The following DIAPH3 variants were observed in gnomAD, a reference collection of about 807,000 sequenced individuals.
The protein encoded by DIAPH3 is protein diaphanous homolog 3.
Under a neutral mutation model 144.3 loss-of-function variants are expected in DIAPH3, and 117 were observed. The ratio of observed to expected loss-of-function variants is 0.81; its 90% CI spans 0.70 to 0.95. The LOEUF is 0.95. Among genes scored for constraint, DIAPH3 ranks in the 40% least tolerant of loss-of-function variants. The pLI is 0.00. For synonymous variants in DIAPH3, 519 were observed against 488.9 expected, an observed-to-expected ratio of 1.06 and a Z score of -0.81; for missense variants, 1,421 against 1,412.7, an observed-to-expected ratio of 1.01 and a Z score of -0.09.
In DIAPH3 at chr13:59,992,603, G is replaced by A. The variant is rs1300918020; in HGVS notation, c.1015-20C>T. The A allele has an allele frequency of 6.3e-7, 1 of 1,577,226 alleles. No individual in the cohort carries two copies. Among genetic ancestry groups the A allele is most frequent in the East Asian group, 2.3e-5 (1 of 44,376 alleles). Reference sequence around the variant, plus strand: ...AGCTACCTACAAGAGATCAAACAGTGAGACAGACTGGGTTTCCAACATTAA... The same window carrying A: ...AGCTACCTACAAGAGATCAAACAGTAAGACAGACTGGGTTTCCAACATTAA... On this transcript the variant is annotated intron_variant, in intron 9 of 27. Coordinates refer to ENST00000400324, the MANE Select transcript of DIAPH3 (RefSeq NM_001042517.2).
chr13:59,912,891 C>T (rs1217801704), intron 19 of DIAPH3, among the ~76,000 whole-genome samples: 4 of 151,958 alleles, frequency 2.6e-5, no homozygotes, highest in African/African-American at 9.7e-5. Flanking sequence ...CACTGTGTAC[C>T]TTTGGACAAA....
intron 20 of DIAPH3, among the ~76,000 whole-genome samples, chr13:59,897,397 G>A (rs371331440): frequency 1.3e-5 from 2 of 152,174 alleles, no homozygotes; most frequent in East Asian, 1.9e-4. Flanking sequence ...ACATGCTAAA[G>A]AATCGTAGAA....
At chr13:60,005,207 A>G (rs1036140694) in intron 9 of DIAPH3, among the ~76,000 whole-genome samples, 1 of 152,176 alleles carries the variant, frequency 6.6e-6, no homozygotes, top group Non-Finnish European at 1.5e-5. Context: ...AACATGAACG[A>G]ACCTCTAAAA....
intron 4 of DIAPH3, among the ~76,000 whole-genome samples, chr13:60,080,656 T>C (rs1387024608): frequency 3.3e-5 from 5 of 151,932 alleles, no homozygotes; most frequent in Admixed American, 3.3e-4. Flanking sequence ...TTCTTAAAAA[T>C]GGAATGAAAT....
intron 24 of DIAPH3, among the ~76,000 whole-genome samples, chr13:59,813,187 G>A (rs1417375246): frequency 1.3e-5 from 2 of 151,788 alleles, no homozygotes; most frequent in Non-Finnish European, 2.9e-5. Flanking sequence ...TGTGTGAGTA[G>A]CAAAGGATTC....
At chr13:59,989,198 C>CA (rs1241770440) in intron 12 of DIAPH3, among the ~76,000 whole-genome samples, 1 of 151,120 alleles carries the variant, frequency 6.6e-6, no homozygotes, top group Non-Finnish European at 1.5e-5. Context: ...TAGATGAAAC[C>CA]AAAAAATGAA....
chr13:59,899,419 C>A (rs1255252468), intron 20 of DIAPH3, among the ~76,000 whole-genome samples: 3 of 152,130 alleles, frequency 2.0e-5, no homozygotes, highest in South Asian at 2.1e-4. Context: ...GAAAAAAGAC[C>A]AGAAAGAAAT....
chr13:60,151,019 C>T (rs1951753125), intron 1 of DIAPH3, among the ~76,000 whole-genome samples: 2 of 149,594 alleles, frequency 1.3e-5, no homozygotes. Flanking sequence ...AGGCACCAAA[C>T]AAACCTCTGG....
intron 7 of DIAPH3, among the ~76,000 whole-genome samples, chr13:60,014,997 T>TTGTTC (rs2053542581): frequency 6.6e-6 from 1 of 151,896 alleles, no homozygotes; most frequent in African/African-American, 2.4e-5. Context: ...TTGTTTTGTT[T>TTGTTC]TGTTTTGTTT....
intron 17 of DIAPH3, among the ~76,000 whole-genome samples, chr13:59,930,043 A>G (rs576106703): frequency 1.8e-4 from 27 of 152,284 alleles, no homozygotes; most frequent in Admixed American, 5.9e-4. Flanking sequence ...TAATTATTCA[A>G]CTTAGCACAG....
At chr13:60,041,537 T>C (rs373130446) in intron 5 of DIAPH3, among the ~76,000 whole-genome samples, 12 of 152,306 alleles carry the variant, frequency 7.9e-5, no homozygotes, top group African/African-American at 2.6e-4. Context: ...AAGGTTGTTT[T>C]CTTTTAAATA....
chr13:59,941,452 A>G (rs1383325315), intron 17 of DIAPH3, among the ~76,000 whole-genome samples: 1 of 152,144 alleles, frequency 6.6e-6, no homozygotes, highest in East Asian at 1.9e-4. Flanking sequence ...AGTAACTCCA[A>G]AGAATAACTA....
At chr13:59,718,696 T>C in intron 27 of DIAPH3, among the ~76,000 whole-genome samples, 1 of 152,194 alleles carries the variant, frequency 6.6e-6, no homozygotes, top group Non-Finnish European at 1.5e-5. Flanking sequence ...TTTTCAATAG[T>C]GGAATGTTGA....
chr13:59,795,455 CTT>C (rs1233674128), intron 25 of DIAPH3, among the ~76,000 whole-genome samples: 14 of 136,836 alleles, frequency 1.0e-4, no homozygotes, highest in Admixed American at 1.5e-4. Context: ...TTCTCTCTCT[CTT>C]TTTTTTTTTT....
chr13:59,798,951 G>T (rs2039752642), intron 25 of DIAPH3, among the ~76,000 whole-genome samples: 1 of 152,080 alleles, frequency 6.6e-6, no homozygotes, highest in Non-Finnish European at 1.5e-5. Context: ...GTACAAGAAG[G>T]CTGCAGAAGC....
At chr13:59,973,684 A>G (rs972620733) in intron 15 of DIAPH3, among the ~76,000 whole-genome samples, 1 of 152,134 alleles carries the variant, frequency 6.6e-6, no homozygotes, top group African/African-American at 2.4e-5. Context: ...GTAAATTAAG[A>G]TGAAAGGAAA....
At chr13:59,902,999 A>C (rs975778557) in intron 20 of DIAPH3, among the ~76,000 whole-genome samples, 58 of 152,210 alleles carry the variant, frequency 3.8e-4, no homozygotes, top group African/African-American at 1.4e-3. Context: ...CAACTGGACA[A>C]AGCAGTAGCA....
chr13:59,869,418 C>G (rs552944133), intron 21 of DIAPH3, among the ~76,000 whole-genome samples: 26 of 152,100 alleles, frequency 1.7e-4, no homozygotes, highest in Non-Finnish European at 3.7e-4. Flanking sequence ...TGCAAGTTTT[C>G]CGTAGCACAA....
At chr13:60,075,763 C>T (rs1342513460) in intron 4 of DIAPH3, among the ~76,000 whole-genome samples, 1 of 152,120 alleles carries the variant, frequency 6.6e-6, no homozygotes, top group Non-Finnish European at 1.5e-5. Flanking sequence ...CCATTACCTT[C>T]AGGGCTGGAG....
Sources: gnomAD v4.1 joint callset for allele counts (sites outside exome capture counted in the v4.1 genomes callset) on GRCh38, gnomAD v4.1.1 for gene constraint, MANE v1.5 for transcripts, NCBI Gene and HGNC (gene_info 2026-07-23, HGNC 2026-07-21) for gene names.